Variants in SYNE2 observed in about 807,000 individuals in gnomAD.
SYNE2 encodes spectrin repeat containing nuclear envelope protein 2, also known as nesprin-2.
Under a neutral mutation model 856.3 loss-of-function variants are expected in SYNE2, and 431 were observed. The observed-to-expected ratio is 0.50, with a 90% CI of 0.47 to 0.55. The LOEUF is 0.55. Among genes scored for constraint, SYNE2 ranks in the 20% least tolerant of loss-of-function variants. The probability of loss-of-function intolerance (pLI) is 0.00; values close to 1 mark genes in which losing one functional copy is unlikely to be tolerated. For synonymous variants in SYNE2, 2,923 were observed against 2,872.3 expected, an observed-to-expected ratio of 1.02 and a Z score of -0.56; for missense variants, 8,129 against 8,023.2, an observed-to-expected ratio of 1.01 and a Z score of -0.50.
At chr14:63,817,966 A>C (rs1889059932) in intron 1 of SYNE2, among the ~76,000 whole-genome samples, 1 of 143,604 alleles carries the variant, frequency 7.0e-6, no homozygotes, top group Non-Finnish European at 1.5e-5. Flanking sequence ...CCGAGGCTAC[A>C]GTGAGCCATG....
intron 1 of SYNE2, among the ~76,000 whole-genome samples, chr14:63,803,398 G>A (rs895927655): frequency 3.3e-5 from 5 of 152,220 alleles, no homozygotes; most frequent in African/African-American, 1.2e-4. Context: ...TGCAGGTCCC[G>A]AGCCCTGCCC....
At position 64,000,613 on chromosome 14, in the gene SYNE2, T is replaced by C. The variant is rs749552415; in HGVS notation, c.3532T>C (p.Leu1178=). The C allele has an allele frequency of 2.2e-5, 36 of 1,613,502 alleles. No homozygotes were observed. Among genetic ancestry groups the C allele is most frequent in the Admixed American group, 1.0e-4 (6 of 59,964 alleles). ...ARWKEFEIIS[L]KLENHVNDIK... The stretch of plus-strand genomic sequence containing the variant: ...CTGGAAAGAGTTTGAAATTATTTCA[T>C]TGAAGTTAGAAAATCATGTGAATGA... Residue 1178 remains leucine, a synonymous_variant, in exon 28 of 116, where the codon TTG becomes CTG. Coordinates refer to ENST00000555002, the MANE Select transcript of SYNE2 (RefSeq NM_182914.3).
intron 7 of SYNE2, among the ~76,000 whole-genome samples, chr14:63,953,220 AG>A (rs1211059106): frequency 6.6e-6 from 1 of 152,208 alleles, no homozygotes; most frequent in East Asian, 1.9e-4. Context: ...AAGAAGGTTG[AG>A]GGCAGGGAGA....
intron 96 of SYNE2, among the ~76,000 whole-genome samples, chr14:64,184,446 C>T (rs931175193): frequency 3.3e-5 from 5 of 151,936 alleles, no homozygotes; most frequent in African/African-American, 1.2e-4. Context: ...TATCCAGTGA[C>T]TGTACACTTT....
At chr14:64,214,628 A>T (rs1030825329) in intron 106 of SYNE2, 158 bp downstream of exon 106, 5 of 694,874 alleles carry the variant, frequency 7.2e-6, no homozygotes, top group Non-Finnish European at 1.2e-5. Context: ...CTCTTAACTT[A>T]CCTGAGAATT....
At chr14:63,985,359 G>T (rs1480679866) in intron 18 of SYNE2, among the ~76,000 whole-genome samples, 1 of 149,702 alleles carries the variant, frequency 6.7e-6, no homozygotes. Flanking sequence ...GAGTGTATCT[G>T]TGTACTCCAT....
chr14:63,958,115 A>G (rs2096263854), intron 8 of SYNE2, among the ~76,000 whole-genome samples: 1 of 152,230 alleles, frequency 6.6e-6, no homozygotes, highest in Non-Finnish European at 1.5e-5. Flanking sequence ...AAGATAGTGC[A>G]GTAAATTCCC....
At position 64,209,951 on chromosome 14, in the gene SYNE2, C is replaced by T. The variant is rs761998546; in HGVS notation, c.18550C>T (p.Arg6184Trp). 63 of 1,613,980 alleles carry T rather than the reference C, an allele frequency of 3.9e-5. No homozygotes were observed. In the Admixed American group the frequency reaches 8.0e-4, roughly 20 times the overall value. The change falls in exon 103 of 116, where the codon CGG (arginine) becomes TGG (tryptophan). Residue 6184 changes from arginine to tryptophan, a missense_variant. By Grantham distance (101) the Arg-to-Trp change is moderately radical. Around this residue, in one of 3 missense-constraint regions of SYNE2, gnomAD observed 5,410 missense variants for 5,284.8 expected, o/e 1.02. Transcript: ENST00000555002. Reference protein sequence around the residue: ...EELKRFEAFQRQIHERLTQLE... With the variant: ...EELKRFEAFQWQIHERLTQLE... ...CTCCCATGTGATGCAGGCCTTTCAG[C>T]GGCAGATTCATGAGCGGCTCACTCA...
intron 73 of SYNE2, among the ~76,000 whole-genome samples, chr14:64,127,076 C>T (rs1277172002): frequency 6.6e-6 from 1 of 152,128 alleles, no homozygotes; most frequent in African/African-American, 2.4e-5. Flanking sequence ...TCCTGGCCAA[C>T]ATGGTGAAAC....
chr14:64,037,343 A>G (rs1399492358), intron 45 of SYNE2, among the ~76,000 whole-genome samples: 2 of 150,850 alleles, frequency 1.3e-5, no homozygotes, highest in African/African-American at 4.9e-5. Context: ...CTTAACGAGC[A>G]TGCTGCCTTC....
At chr14:63,968,509 CAG>C (rs2096427442) in intron 11 of SYNE2, among the ~76,000 whole-genome samples, 2 of 152,130 alleles carry the variant, frequency 1.3e-5, no homozygotes, top group Non-Finnish European at 2.9e-5. Context: ...AACAAACCCA[CAG>C]AGAGTAAGGA....
intron 54 of SYNE2, among the ~76,000 whole-genome samples, chr14:64,077,966 T>C (rs1013263436): frequency 1.3e-5 from 2 of 152,200 alleles, no homozygotes; most frequent in Non-Finnish European, 2.9e-5. Context: ...TTTAGAAGGT[T>C]GTTTCACCCA....
At chr14:64,174,885 A>T in intron 94 of SYNE2, 59 bp from the exon 95 acceptor site, 1 of 1,503,108 alleles carries the variant, frequency 6.7e-7, no homozygotes, top group Non-Finnish European at 9.2e-7. Context: ...ACAGGCACAC[A>T]CAATCACATT....
intron 31 of SYNE2, among the ~76,000 whole-genome samples, chr14:64,008,399 A>G (rs1441094192): frequency 6.6e-6 from 1 of 152,174 alleles, no homozygotes; most frequent in Non-Finnish European, 1.5e-5. Flanking sequence ...ACTTTACCAC[A>G]CGCCCCTACC....
At chr14:63,802,137 T>A (rs975602567) in intron 1 of SYNE2, among the ~76,000 whole-genome samples, 5 of 151,158 alleles carry the variant, frequency 3.3e-5, no homozygotes, top group African/African-American at 1.2e-4. Context: ...GATGAAGTCT[T>A]GCTCTGTCAC....
intron 1 of SYNE2, among the ~76,000 whole-genome samples, chr14:63,854,472 ACT>A (rs1394546502): frequency 6.6e-6 from 1 of 151,708 alleles, no homozygotes; most frequent in African/African-American, 2.4e-5. Flanking sequence ...AGCTGTGGAG[ACT>A]CTTAAGGGCT....
intron 76 of SYNE2, among the ~76,000 whole-genome samples, chr14:64,131,911 A>G (rs1202247811): frequency 7.4e-6 from 1 of 135,368 alleles, no homozygotes; most frequent in Non-Finnish European, 1.5e-5. Flanking sequence ...ACTAGTGTTC[A>G]AAGACTGAGT....
At chr14:64,088,712 A>G (rs1467470278) in intron 58 of SYNE2, among the ~76,000 whole-genome samples, 2 of 152,192 alleles carry the variant, frequency 1.3e-5, no homozygotes, top group East Asian at 1.9e-4. Context: ...CTGGATTTTT[A>G]TTTTGGCTTG....
intron 6 of SYNE2, among the ~76,000 whole-genome samples, chr14:63,948,376 T>C (rs1200308182): frequency 1.3e-5 from 2 of 152,098 alleles, no homozygotes; most frequent in African/African-American, 4.8e-5. Context: ...AAAAATATAT[T>C]GCTTAGGCCG....
Sources: gnomAD v4.1 joint callset for allele counts (sites outside exome capture counted in the v4.1 genomes callset) on GRCh38, gnomAD v4.1.1 for gene constraint, gnomAD v4.1.1 regional missense constraint, MANE v1.5 for transcripts, NCBI Gene and HGNC (gene_info 2026-07-23, HGNC 2026-07-21) for gene names.